The following NOVA1 variants were observed in gnomAD, a reference collection of about 807,000 sequenced individuals.
NOVA1 encodes NOVA alternative splicing regulator 1.
Under a neutral mutation model 38.0 loss-of-function variants are expected in NOVA1, and 7 were observed. The observed-to-expected ratio is 0.18, with a 90% CI of 0.10 to 0.35. NOVA1 has a LOEUF of 0.35. NOVA1 is among the 10% of genes least tolerant of loss of function. NOVA1 has a pLI of 1.00. For missense variants in NOVA1, 460 were observed against 616.0 expected (o/e 0.75, Z 2.68); for synonymous variants, 270 against 232.5 (o/e 1.16, Z -1.47).
chr14:26,514,944 T>C (rs1469108532), intron 2 of NOVA1, among the ~76,000 whole-genome samples: 3 of 151,892 alleles, frequency 2.0e-5, no homozygotes, highest in Non-Finnish European at 4.4e-5. Context: ...CTACCTACCT[T>C]AATATACAAT....
At chr14:26,488,739 C>T (rs1886107829) in intron 2 of NOVA1, among the ~76,000 whole-genome samples, 1 of 152,078 alleles carries the variant, frequency 6.6e-6, no homozygotes, top group Non-Finnish European at 1.5e-5. Context: ...AGTGCAATTA[C>T]ATTTTATATG....
intron 2 of NOVA1, among the ~76,000 whole-genome samples, chr14:26,563,822 A>G (rs907751423): frequency 6.6e-6 from 1 of 152,144 alleles, no homozygotes; most frequent in Non-Finnish European, 1.5e-5. Flanking sequence ...GCCTAAGCCC[A>G]AGTATGGGCT....
chr14:26,449,597 G>A (rs115021977), intron 4 of NOVA1, among the ~76,000 whole-genome samples: 3,987 of 152,052 alleles, frequency 0.026, 159 homozygotes, highest in African/African-American at 0.091. Flanking sequence ...CTTCATAATA[G>A]TTATTTCTAA....
chr14:26,584,553 C>G (rs918988897), intron 2 of NOVA1, among the ~76,000 whole-genome samples: 6 of 151,294 alleles, frequency 4.0e-5, no homozygotes, highest in African/African-American at 1.5e-4. Flanking sequence ...TGTCTCTTAC[C>G]TGTACAGATA....
At chr14:26,502,720 T>A (rs1211440488) in intron 2 of NOVA1, among the ~76,000 whole-genome samples, 1 of 151,814 alleles carries the variant, frequency 6.6e-6, no homozygotes, top group Non-Finnish European at 1.5e-5. Context: ...ACATAAACAA[T>A]TGGATTTTGT....
intron 3 of NOVA1, among the ~76,000 whole-genome samples, chr14:26,478,667 T>C (rs1034277197): frequency 9.2e-5 from 14 of 152,026 alleles, no homozygotes; most frequent in African/African-American, 3.4e-4. Context: ...CAACTATAAA[T>C]GACTGTGAAA....
chr14:26,499,566 G>C (rs1887097610), intron 2 of NOVA1, among the ~76,000 whole-genome samples: 1 of 152,156 alleles, frequency 6.6e-6, no homozygotes, highest in Admixed American at 6.5e-5. Context: ...TCAGTGTGTA[G>C]CCTGTAAAAA....
At chr14:26,477,114 C>T (rs1041112482) in intron 3 of NOVA1, among the ~76,000 whole-genome samples, 1 of 152,102 alleles carries the variant, frequency 6.6e-6, no homozygotes, top group Non-Finnish European at 1.5e-5. Context: ...ATCTCACAAA[C>T]TGGTCTGCAA....
chr14:26,480,653 C>T lies in NOVA1; in HGVS notation c.281-510G>A, dbSNP rs531887175. On this transcript the variant is annotated intron_variant, in intron 2 of 4. Coordinates refer to ENST00000539517, the MANE Select transcript of NOVA1 (RefSeq NM_002515.3). ...TTTAATCATAGCAACACTTGTTACC[C>T]GATATTTTACATTGTTTTTTTTTTT... Among the ~76,000 whole-genome samples the T allele has an allele frequency of 2.2e-3, 328 of 151,784 alleles. 1 individual carries two copies. The highest frequency in any genetic ancestry group is 7.1e-3 in the African/African-American group (293 of 41,358).
At chr14:26,554,619 T>C (rs2138657568) in intron 2 of NOVA1, among the ~76,000 whole-genome samples, 1 of 152,272 alleles carries the variant, frequency 6.6e-6, no homozygotes, top group East Asian at 1.9e-4. Context: ...AAGAGTGATT[T>C]GACTAATCAT....
chr14:26,466,661 C>G (rs924562908), intron 4 of NOVA1, among the ~76,000 whole-genome samples: 1 of 152,124 alleles, frequency 6.6e-6, no homozygotes, highest in African/African-American at 2.4e-5. Flanking sequence ...TTTGTCCATT[C>G]CAAAATTCAT....
intron 2 of NOVA1, among the ~76,000 whole-genome samples, chr14:26,560,830 T>A (rs1416967886): frequency 1.3e-5 from 2 of 152,184 alleles, no homozygotes; most frequent in Non-Finnish European, 2.9e-5. Flanking sequence ...AAGCATGTAG[T>A]TTTAACCATC....
chr14:26,458,414 A>C (rs1213583197), intron 4 of NOVA1, among the ~76,000 whole-genome samples: 3 of 152,130 alleles, frequency 2.0e-5, no homozygotes, highest in Non-Finnish European at 4.4e-5. Context: ...AATAGCAAAG[A>C]CATGGGATCA....
At chr14:26,545,999 A>G (rs1049842893) in intron 2 of NOVA1, among the ~76,000 whole-genome samples, 3 of 152,138 alleles carry the variant, frequency 2.0e-5, no homozygotes, top group Admixed American at 6.6e-5. Context: ...TTCAATTTAT[A>G]TTGAAAAATA....
intron 2 of NOVA1, among the ~76,000 whole-genome samples, chr14:26,562,394 A>G (rs1467786316): frequency 6.6e-6 from 1 of 152,190 alleles, no homozygotes; most frequent in Non-Finnish European, 1.5e-5. Context: ...AAAGTCTAGC[A>G]TATAGTAAGG....
rs569273219 is a variant in NOVA1, at chr14:26,487,325, T to A, written c.281-7182A>T. ...GGAATAACTTAAAATTTGAAGCAAT[T>A]TAACAATATGCATCTCAGAATATTC... On this transcript the variant is annotated intron_variant, in intron 2 of 4. Transcript: ENST00000539517. 3.9e-5 allele frequency among the ~76,000 whole-genome samples: 6 copies of A among 152,292 alleles called. No homozygotes were observed. The South Asian group carries it at 1.2e-3, about 32-fold the overall frequency.
rs1886482396 is a variant in NOVA1, at chr14:26,493,138, A to G, written c.281-12995T>C. On this transcript the variant is annotated intron_variant, in intron 2 of 4. Coordinates refer to ENST00000539517, the MANE Select transcript of NOVA1 (RefSeq NM_002515.3). ...GAGTATCTTATTACCTATTTTTTCAACATTAATTATTATAGAATTATAAAT... is the reference window on the plus strand; with the variant it reads ...GAGTATCTTATTACCTATTTTTTCAGCATTAATTATTATAGAATTATAAAT... Among the ~76,000 whole-genome samples the G allele has an allele frequency of 2.0e-5, 3 of 152,222 alleles. No homozygotes were observed. The South Asian group carries it at 6.2e-4, about 32-fold the overall frequency.
rs1388407275 is a variant in NOVA1 at position 26,499,811 on chromosome 14, A to T, written c.281-19668T>A. Among the ~76,000 whole-genome samples, 8 of 152,282 alleles carry T rather than the reference A, an allele frequency of 5.3e-5. No homozygotes were observed. The East Asian group carries it at 1.3e-3, about 26-fold the overall frequency. The stretch of plus-strand genomic sequence containing the variant: ...TTATAAAGTGTTTTGTACATAGCAG[A>T]AAGCCTTCTTATTAGCCACAGTCAA... On this transcript the variant is annotated intron_variant, in intron 2 of 4. Coordinates refer to ENST00000539517, the MANE Select transcript of NOVA1 (RefSeq NM_002515.3).
intron 2 of NOVA1, among the ~76,000 whole-genome samples, chr14:26,487,707 G>A (rs1380637564): frequency 2.6e-5 from 4 of 152,064 alleles, no homozygotes; most frequent in African/African-American, 7.2e-5. Flanking sequence ...GTTGATTGTG[G>A]AAAAATTATT....
Sources: allele counts gnomAD v4.1 joint callset (sites outside exome capture counted in the v4.1 genomes callset), GRCh38; gene constraint gnomAD v4.1.1; transcripts MANE v1.5; gene names NCBI Gene and HGNC (gene_info 2026-07-23, HGNC 2026-07-21).